FBXO31: variants seen among roughly 807,000 people sequenced by gnomAD.
The protein encoded by FBXO31 is F-box only protein 31.
Under a neutral mutation model 54.4 loss-of-function variants are expected in FBXO31, and 24 were observed. The observed-to-expected ratio is 0.44, with a 90% CI of 0.32 to 0.62. The LOEUF (loss-of-function observed/expected upper bound fraction) is 0.62, where lower values mean the gene tolerates loss of function less well. Among genes scored for constraint, FBXO31 ranks in the 20% least tolerant of loss-of-function variants. FBXO31 has a pLI of 0.05. For missense variants in FBXO31, 665 were observed against 787.1 expected (o/e 0.84, Z 1.86); for synonymous variants, 388 against 335.6 (o/e 1.16, Z -1.71).
intron 1 of FBXO31, 65 bp from the exon 2 acceptor site, chr16:87,360,431 G>A: frequency 2.2e-6 from 3 of 1,393,896 alleles, no homozygotes; most frequent in Admixed American, 1.7e-5. Context: ...ACGTGGGCAG[G>A]CTGCTGATGG....
At position 87,346,043 on chromosome 16, in the gene FBXO31, G is replaced by A. The variant is rs1311980790; in HGVS notation, c.489+1131C>T. Among the ~76,000 whole-genome samples, 1 of 152,138 alleles carries A rather than the reference G, an allele frequency of 6.6e-6. No homozygotes were observed. Among genetic ancestry groups the A allele is most frequent in the Admixed American group, 6.5e-5 (1 of 15,276 alleles). Reference sequence around the variant, plus strand: ...GGCTGCTGAGAGGAGAAGGGGCCAAGCGAAGCGTGACTCACAAAGCCAGGA... The same window carrying A: ...GGCTGCTGAGAGGAGAAGGGGCCAAACGAAGCGTGACTCACAAAGCCAGGA... On this transcript the variant is annotated intron_variant, in intron 3 of 8. Coordinates refer to ENST00000311635, the MANE Select transcript of FBXO31 (RefSeq NM_024735.5). The surrounding 1 kb of genome is among the most constrained non-coding windows in gnomAD (Gnocchi z 4.2).
At chr16:87,372,021 C>T (rs899778966) in intron 1 of FBXO31, among the ~76,000 whole-genome samples, 1 of 151,898 alleles carries the variant, frequency 6.6e-6, no homozygotes, top group Admixed American at 6.6e-5. Context: ...CTCAGGAGTT[C>T]GAGACCAGTC....
chr16:87,388,598 C>G (rs566584813), upstream of FBXO31: 1 of 152,284 alleles, frequency 6.6e-6, no homozygotes, highest in African/African-American at 2.4e-5. Flanking sequence ...AAAAAATAAC[C>G]CCGATGCTTT....
intron 2 of FBXO31, among the ~76,000 whole-genome samples, chr16:87,359,109 T>C (rs752373382): frequency 9.2e-5 from 14 of 152,206 alleles, no homozygotes; most frequent in Non-Finnish European, 1.8e-4. Flanking sequence ...AAATGAACAC[T>C]GACATTTGCT....
rs1907165389 is a variant in FBXO31 at position 87,383,288 on chromosome 16, C to G, written c.340+117G>C. The G allele has an allele frequency of 2.0e-6, 2 of 991,538 alleles. No individual in the cohort carries two copies. Among genetic ancestry groups the G allele is most frequent in the Non-Finnish European group, 1.4e-6 (1 of 712,840 alleles). 61.4% of individuals were successfully genotyped at this position (991,538 alleles called of 1,614,324 possible). On this transcript the variant is annotated intron_variant, in intron 1 of 8. Coordinates refer to ENST00000311635, the MANE Select transcript of FBXO31 (RefSeq NM_024735.5). The surrounding 1 kb of genome is among the most constrained non-coding windows in gnomAD (Gnocchi z 4.9). The stretch of plus-strand genomic sequence containing the variant: ...ACCCAAAACACCACATCGCCGGGCC[C>G]CGCGCCCAACTGGTGGCCCCCGGCC...
Position 87,361,331 on chromosome 16 carries a change from G to A in FBXO31, c.341-965C>T, listed in dbSNP as rs1348157316. Among the ~76,000 whole-genome samples the A allele has an allele frequency of 2.0e-5, 3 of 152,346 alleles. No individual in the cohort carries two copies. The East Asian group carries it at 5.8e-4, about 29-fold the overall frequency. On this transcript the variant is annotated intron_variant, in intron 1 of 8. Transcript: ENST00000311635. The stretch of plus-strand genomic sequence containing the variant: ...GGACCTGGAGCTTATGGTCAGCTGG[G>A]ACCAAGAATTGAAGCCTAGATCAAA...
At position 87,331,304 on chromosome 16, in the gene FBXO31, T is replaced by C; in HGVS notation, c.1604A>G (p.Gln535Arg). 1 of 1,613,930 alleles carries C rather than the reference T, an allele frequency of 6.2e-7. No individual in the cohort carries two copies. Among genetic ancestry groups the C allele is most frequent in the Non-Finnish European group, 8.5e-7 (1 of 1,179,952 alleles). Residue 535 changes from glutamine (Q) to arginine (R), a missense_variant, in exon 9 of 9, where the codon CAG (glutamine) becomes CGG (arginine). Physicochemically the swap from Gln to Arg is conservative, Grantham distance 43. Coordinates refer to ENST00000311635, the MANE Select transcript of FBXO31 (RefSeq NM_024735.5). ...TGTGGCCGGTCAGGAGGTGAGGGAC[T>C]GAATGTTCTTGAGCATCTCATCGAA... ...QAFDEMLKNI[Q>R]SLTS
Position 87,334,268 on chromosome 16 carries a change from C to T in FBXO31, c.1015G>A (p.Ala339Thr). 2 of 1,588,394 alleles carry T rather than the reference C, an allele frequency of 1.3e-6. No individual in the cohort carries two copies. Among genetic ancestry groups the T allele is most frequent in the Non-Finnish European group, 1.7e-6 (2 of 1,165,398 alleles). ...TCGATCTCCACTGTCTGCTGCCCAGCGGGGATGTTGGGGTCGCCCTGTGGA... is the reference window on the plus strand; with the variant it reads ...TCGATCTCCACTGTCTGCTGCCCAGTGGGGATGTTGGGGTCGCCCTGTGGA... Reference protein sequence around the residue: ...TKITGDPNIPAGQQTVEIDLR... With the variant: ...TKITGDPNIPTGQQTVEIDLR... Residue 339 changes from alanine to threonine, a missense_variant, in exon 8 of 9, where the codon GCT becomes ACT. Around this residue, in one of 4 missense-constraint regions of FBXO31, gnomAD observed 234 missense variants for 346.8 expected, o/e 0.67. Transcript: ENST00000311635.
rs539983367 is a variant in FBXO31 at position 87,327,833 on chromosome 16, C to T, written c.*3455G>A. The T allele has an allele frequency of 2.6e-5, 4 of 152,260 alleles. No individual in the cohort carries two copies. In the East Asian group the frequency reaches 7.7e-4, roughly 29 times the overall value. 9.4% of individuals were successfully genotyped at this position (152,260 alleles called of 1,614,324 possible). On this transcript the variant is annotated 3_prime_UTR_variant, in exon 9 of 9. Transcript: ENST00000311635. Reference sequence around the variant, plus strand: ...GATTCCAGGAGTTTTATTCTCAGGACAGGTGATGGTTCTATGAGCACATTC... The same window carrying T: ...GATTCCAGGAGTTTTATTCTCAGGATAGGTGATGGTTCTATGAGCACATTC...
chr16:87,383,364 A>ACCCCCCCCCCCACCCCCCCCCCCCCCCC lies in FBXO31; in HGVS notation c.340+40_340+41insGGGGGGGGGGGGGGGGTGGGGGGGGGGG. On this transcript the variant is annotated intron_variant, in intron 1 of 8. Transcript: ENST00000311635. This position sits in a 1 kb window ranked among gnomAD's most constrained non-coding sequence, Gnocchi z 4.9. ...GCTCCGAGGCCTCCACCTGGCAGGGACCCCCCGCCCCTCCCGGCCCCGCCA... is the reference window on the plus strand; with the variant it reads ...GCTCCGAGGCCTCCACCTGGCAGGGACCCCCCCCCCCACCCCCCCCCCCCCCCCCCCCCCGCCCCTCCCGGCCCCGCCA... 7.5e-7 allele frequency: 1 copy of ACCCCCCCCCCCACCCCCCCCCCCCCCCC among 1,329,446 alleles called. No homozygotes were observed. The highest frequency in any genetic ancestry group is 1.0e-6 in the Non-Finnish European group (1 of 975,776). 82.4% of individuals were successfully genotyped at this position (1,329,446 alleles called of 1,614,324 possible).
chr16:87,349,596 A>G (rs1175215507), intron 2 of FBXO31, among the ~76,000 whole-genome samples: 2 of 152,174 alleles, frequency 1.3e-5, no homozygotes, highest in Non-Finnish European at 2.9e-5. Context: ...CTGTAATCCC[A>G]GCTACTCGGG....
chr16:87,331,387 G>A lies in FBXO31; in HGVS notation c.1521C>T (p.Ser507=). 6.2e-7 allele frequency: 1 copy of A among 1,613,964 alleles called. No homozygotes were observed. Among genetic ancestry groups the A allele is most frequent in the Non-Finnish European group, 8.5e-7 (1 of 1,180,042 alleles). ...GFVWLELKSF[S]LYSRVQATFR... ...AGGTGGCCTGGACCCGGCTGTACAG[G>A]CTGAAGGATTTCAGCTCCAGCCAGA... The change falls in exon 9 of 9, where the codon AGC becomes AGT. Residue 507 remains serine, a synonymous_variant. Transcript: ENST00000311635.
At chr16:87,383,854 A>C (rs936581517), upstream of FBXO31, 87 of 813,366 alleles carry the variant, frequency 1.1e-4, no homozygotes, top group Non-Finnish European at 1.3e-4. The surrounding 1 kb of genome is among the most constrained non-coding windows in gnomAD (Gnocchi z 4.9). Context: ...CCCCCTGGAG[A>C]GCCTAGCCCC....
In FBXO31 at chr16:87,343,661, C is replaced by T. The variant is rs368267023; in HGVS notation, c.594G>A (p.Glu198=). 11 of 1,614,078 alleles carry T rather than the reference C, an allele frequency of 6.8e-6. No homozygotes were observed. Among genetic ancestry groups the T allele is most frequent in the South Asian group, 6.6e-5 (6 of 91,084 alleles). The change falls in exon 4 of 9, where the codon GAG becomes GAA. Residue 198 remains glutamate (E), a synonymous_variant. Transcript: ENST00000311635. ...TGCACTCCACTGTGGCAGCCTTCCT[C>T]TCCATCAGGTGGATCCTGAACAGAG... ...FKPLFRIHLM[E]RKAATVECMY...
At chr16:87,350,865 AAGC>A in intron 2 of FBXO31, among the ~76,000 whole-genome samples, 1 of 152,330 alleles carries the variant, frequency 6.6e-6, no homozygotes, top group Non-Finnish European at 1.5e-5. Context: ...TTGTGCTGAA[AAGC>A]AGCATTTCTG....
chr16:87,378,887 A>G (rs1172515774), intron 1 of FBXO31, among the ~76,000 whole-genome samples: 1 of 151,008 alleles, frequency 6.6e-6, no homozygotes, highest in Non-Finnish European at 1.5e-5. Flanking sequence ...GCGTGAACCC[A>G]GGAGGCGGAG....
At chr16:87,353,514 G>A (rs1567620893) in intron 2 of FBXO31, among the ~76,000 whole-genome samples, 1 of 152,236 alleles carries the variant, frequency 6.6e-6, no homozygotes. Context: ...TTGTCCTTCC[G>A]AGAAGACAGA....
At chr16:87,355,804 C>G (rs1597369822) in intron 2 of FBXO31, among the ~76,000 whole-genome samples, 2 of 152,242 alleles carry the variant, frequency 1.3e-5, no homozygotes, top group East Asian at 3.9e-4. Flanking sequence ...TTCCCTCCAC[C>G]TGCCTCGGGG....
rs181561477 is a variant in FBXO31, at chr16:87,331,164, C to T, written c.*124G>A. The T allele has an allele frequency of 4.6e-3, 4,025 of 871,804 alleles. 13 individuals carry two copies. Among genetic ancestry groups the T allele is most frequent in the Non-Finnish European group, 5.2e-3 (2,907 of 558,846 alleles). 54.0% of individuals were successfully genotyped at this position (871,804 alleles called of 1,614,324 possible). ...AGTGCTGGGGGGTGGCTGGACTGGG[C>T]CCCCCGACGAGGTGTGCGTTCTGGT... On this transcript the variant is annotated 3_prime_UTR_variant, in exon 9 of 9. Transcript: ENST00000311635.
Sources: gnomAD v4.1 joint callset for allele counts (sites outside exome capture counted in the v4.1 genomes callset) on GRCh38, gnomAD v4.1.1 for gene constraint, gnomAD v4.1.1 regional missense constraint, Gnocchi (gnomAD v3.1) non-coding constraint, MANE v1.5 for transcripts, NCBI Gene and HGNC (gene_info 2026-07-23, HGNC 2026-07-21) for gene names.